The following MAST4 variants were observed in gnomAD, a reference collection of about 807,000 sequenced individuals.
MAST4 encodes the protein microtubule associated serine/threonine kinase family member 4.
MAST4 carries 89 observed loss-of-function variants against 162.7 expected under a neutral mutation model. The ratio of observed to expected loss-of-function variants is 0.55; its 90% CI spans 0.46 to 0.65. MAST4 has a LOEUF of 0.65. MAST4 is among the 30% of genes least tolerant of loss of function. The probability of loss-of-function intolerance (pLI) is 0.00; values close to 1 mark genes in which losing one functional copy is unlikely to be tolerated. For synonymous variants in MAST4, 1,479 were observed against 1,361.1 expected (o/e 1.09, Z -1.91); for missense variants, 3,153 against 3,374.0 (o/e 0.93, Z 1.62).
intron 25 of MAST4, 51 bp downstream of exon 25, chr5:67,152,917 G>C: frequency 6.8e-7 from 1 of 1,467,402 alleles, no homozygotes; most frequent in Non-Finnish European, 9.5e-7. Context: ...AGCCAAGCTG[G>C]AGAGTGGATA....
At chr5:66,626,159 C>T (rs975932846) in intron 1 of MAST4, among the ~76,000 whole-genome samples, 13 of 150,108 alleles carry the variant, frequency 8.7e-5, no homozygotes, top group South Asian at 2.1e-4. Flanking sequence ...TTTCAGTTAA[C>T]GGTAGATGAA....
At chr5:66,701,039 TATTA>T (rs1441202758) in intron 1 of MAST4, among the ~76,000 whole-genome samples, 2 of 149,826 alleles carry the variant, frequency 1.3e-5, no homozygotes, top group African/African-American at 2.5e-5. Context: ...AAAGCACATT[TATTA>T]ATCATGAATA....
chr5:66,832,953 C>T (rs1426424793), intron 3 of MAST4, among the ~76,000 whole-genome samples: 1 of 152,084 alleles, frequency 6.6e-6, no homozygotes, highest in South Asian at 2.1e-4. Flanking sequence ...AAATCAATGC[C>T]ATATCCGAGT....
chr5:66,848,986 G>A (rs942231672), intron 3 of MAST4, among the ~76,000 whole-genome samples: 7 of 152,206 alleles, frequency 4.6e-5, no homozygotes, highest in Admixed American at 3.9e-4. Context: ...GAGTTAAAGC[G>A]ATGGAATTTT....
chr5:67,068,398 C>T (rs551450657), intron 5 of MAST4, among the ~76,000 whole-genome samples: 18 of 152,176 alleles, frequency 1.2e-4, no homozygotes, highest in African/African-American at 2.2e-4. Flanking sequence ...ATTCACAGGG[C>T]GGCAGGAAAG....
At chr5:67,107,404 TTG>T (rs2150886990) in intron 10 of MAST4, among the ~76,000 whole-genome samples, 1 of 152,360 alleles carries the variant, frequency 6.6e-6, no homozygotes, top group African/African-American at 2.4e-5. Context: ...GCATGTATAC[TTG>T]TGGCATAAAG....
At chr5:66,638,860 T>C (rs1289329121) in intron 1 of MAST4, among the ~76,000 whole-genome samples, 1 of 152,202 alleles carries the variant, frequency 6.6e-6, no homozygotes, top group East Asian at 1.9e-4. Flanking sequence ...AGGATGATGC[T>C]TGGGTTTTTG....
intron 4 of MAST4, among the ~76,000 whole-genome samples, chr5:66,975,402 A>T (rs536432143): frequency 6.6e-5 from 10 of 152,310 alleles, no homozygotes; most frequent in African/African-American, 2.4e-4. Context: ...TTTCACGTTC[A>T]TGTTACAGAA....
chr5:66,850,334 A>G (rs927126517), intron 3 of MAST4, among the ~76,000 whole-genome samples: 2 of 152,206 alleles, frequency 1.3e-5, no homozygotes, highest in African/African-American at 4.8e-5. Context: ...AAAATAGTGA[A>G]TGTCAAAATC....
intron 1 of MAST4, among the ~76,000 whole-genome samples, chr5:66,599,918 GGTGT>G (rs58314259): frequency 6.7e-5 from 10 of 149,972 alleles, no homozygotes; most frequent in Non-Finnish European, 1.0e-4. Flanking sequence ...TTTCTAAAGG[GGTGT>G]GTGTGTGTGT....
At chr5:66,984,029 C>T (rs377628545) in intron 4 of MAST4, among the ~76,000 whole-genome samples, 16 of 152,268 alleles carry the variant, frequency 1.1e-4, no homozygotes, top group African/African-American at 3.6e-4. Context: ...AGGCTGTGTT[C>T]TAGGCTTTAG....
chr5:67,030,276 C>T (rs527996659), intron 4 of MAST4, among the ~76,000 whole-genome samples: 30 of 152,148 alleles, frequency 2.0e-4, no homozygotes, highest in Middle Eastern at 6.8e-3. Flanking sequence ...ACCTGTATTC[C>T]GTATCTCTTT....
intron 4 of MAST4, among the ~76,000 whole-genome samples, chr5:66,929,842 T>G (rs745725801): frequency 4.3e-4 from 66 of 152,342 alleles, no homozygotes; most frequent in Admixed American, 1.2e-3. Flanking sequence ...ATGATGGAAC[T>G]GCAAGGTGGA....
rs1554072447 is a variant in MAST4, at chr5:66,951,630, G to GTGTATGTA, written c.674+51651_674+51652insATGTATGT. Among the ~76,000 whole-genome samples, 508 of 147,222 alleles carry GTGTATGTA rather than the reference G, an allele frequency of 3.5e-3. 6 individuals are homozygous for GTGTATGTA. The highest frequency in any genetic ancestry group is 0.013 in the African/African-American group (487 of 37,958). On this transcript the variant is annotated intron_variant, in intron 4 of 28. Coordinates refer to ENST00000403625, the MANE Select transcript of MAST4 (RefSeq NM_001164664.2). ...TGTGTGTGTGTGTGTGTGTGTGTGT[G>GTGTATGTA]TGTGTGTGTGTGTGTGTGTGTGTAT...
At chr5:66,925,869 A>G (rs1350744129) in intron 4 of MAST4, among the ~76,000 whole-genome samples, 2 of 152,192 alleles carry the variant, frequency 1.3e-5, no homozygotes, top group African/African-American at 4.8e-5. Context: ...CCAACTTTTA[A>G]TAAGAACATG....
chr5:66,954,554 G>C (rs1745075688), intron 4 of MAST4, among the ~76,000 whole-genome samples: 1 of 152,188 alleles, frequency 6.6e-6, no homozygotes, highest in Admixed American at 6.5e-5. Flanking sequence ...CCTACACTCT[G>C]ATAGGGGAAG....
chr5:66,677,972 G>T lies in MAST4; in HGVS notation c.363+80954G>T, dbSNP rs552027650. Among the ~76,000 whole-genome samples the T allele has an allele frequency of 5.3e-5, 8 of 152,242 alleles. 1 individual carries two copies. Among genetic ancestry groups the T allele is most frequent in the African/African-American group, 1.9e-4 (8 of 41,550 alleles). On this transcript the variant is annotated intron_variant, in intron 1 of 28. Coordinates refer to ENST00000403625, the MANE Select transcript of MAST4 (RefSeq NM_001164664.2). ...TCAGTTTTTCTGGCAGTGGGACCGG[G>T]CATATCTGATTGTGAAGTCAGGAAG...
chr5:67,038,135 G>T (rs937834464), intron 4 of MAST4, among the ~76,000 whole-genome samples: 1 of 151,788 alleles, frequency 6.6e-6, no homozygotes, highest in African/African-American at 2.4e-5. Context: ...AACCTATGAT[G>T]GGAACACTTT....
intron 4 of MAST4, among the ~76,000 whole-genome samples, chr5:66,907,616 G>A (rs187382829): frequency 1.3e-5 from 2 of 151,062 alleles, no homozygotes; most frequent in African/African-American, 2.4e-5. Flanking sequence ...GTGTGTGTGT[G>A]TGTGTGTGTG....
Sources: gnomAD v4.1 joint callset for allele counts (sites outside exome capture counted in the v4.1 genomes callset) on GRCh38, gnomAD v4.1.1 for gene constraint, MANE v1.5 for transcripts, NCBI Gene and HGNC (gene_info 2026-07-23, HGNC 2026-07-21) for gene names.